TSPAN5: variants seen among roughly 807,000 people sequenced by gnomAD.
The protein encoded by TSPAN5 is tetraspanin 5.
Under a neutral mutation model 37.1 loss-of-function variants are expected in TSPAN5, and 10 were observed. The observed-to-expected ratio is 0.27, with a 90% CI of 0.17 to 0.46. TSPAN5 has a LOEUF of 0.46. Among genes scored for constraint, TSPAN5 ranks in the 20% least tolerant of loss-of-function variants. TSPAN5 has a pLI of 1.00. For synonymous variants in TSPAN5, 110 were observed against 118.9 expected, an observed-to-expected ratio of 0.93 and a Z score of 0.48; for missense variants, 195 against 326.6, an observed-to-expected ratio of 0.60 and a Z score of 3.11.
At chr4:98,602,906 C>G (rs936059727) in intron 1 of TSPAN5, among the ~76,000 whole-genome samples, 4 of 152,072 alleles carry the variant, frequency 2.6e-5, no homozygotes, top group African/African-American at 9.7e-5. Context: ...GAAATAATAC[C>G]AGGTATAATA....
intron 1 of TSPAN5, among the ~76,000 whole-genome samples, chr4:98,561,886 C>T (rs546404412): frequency 1.8e-4 from 28 of 152,254 alleles, no homozygotes; most frequent in African/African-American, 5.3e-4. Context: ...GTCACTACAC[C>T]GTCGCTGCGT....
chr4:98,641,216 C>T (rs150229381), intron 1 of TSPAN5, among the ~76,000 whole-genome samples: 11 of 152,200 alleles, frequency 7.2e-5, no homozygotes, highest in Non-Finnish European at 1.6e-4. Flanking sequence ...AAATAAATTC[C>T]ATGGATACCT....
intron 1 of TSPAN5, among the ~76,000 whole-genome samples, chr4:98,571,884 A>G (rs907128121): frequency 1.3e-5 from 2 of 152,204 alleles, no homozygotes; most frequent in African/African-American, 4.8e-5. Context: ...AACCTCCAAA[A>G]TTTCTGCTGT....
chr4:98,524,939 T>G (rs916651595), intron 1 of TSPAN5, among the ~76,000 whole-genome samples: 1 of 152,208 alleles, frequency 6.6e-6, no homozygotes, highest in African/African-American at 2.4e-5. Context: ...CCTAGATATT[T>G]CTGATATGTA....
chr4:98,517,152 G>T (rs1228818220), intron 1 of TSPAN5, among the ~76,000 whole-genome samples: 1 of 152,218 alleles, frequency 6.6e-6, no homozygotes, highest in Non-Finnish European at 1.5e-5. Flanking sequence ...ACAGGCATGA[G>T]ACTGATGGTG....
At chr4:98,585,726 A>C (rs1486875996) in intron 1 of TSPAN5, among the ~76,000 whole-genome samples, 1 of 152,228 alleles carries the variant, frequency 6.6e-6, no homozygotes, top group African/African-American at 2.4e-5. Flanking sequence ...AATAGCCTCC[A>C]GTTCCATCCA....
chr4:98,564,054 C>T (rs940230370), intron 1 of TSPAN5, among the ~76,000 whole-genome samples: 4 of 152,170 alleles, frequency 2.6e-5, no homozygotes, highest in Admixed American at 6.5e-5. Context: ...ACACAAAAAA[C>T]GTGTGATGAG....
chr4:98,501,483 A>C (rs1284630993), intron 2 of TSPAN5, among the ~76,000 whole-genome samples: 2 of 152,244 alleles, frequency 1.3e-5, no homozygotes, highest in African/African-American at 4.8e-5. Context: ...CCAGGCAATA[A>C]ACTTGTTAGC....
chr4:98,514,188 G>A (rs1753678857), intron 1 of TSPAN5, among the ~76,000 whole-genome samples: 1 of 152,138 alleles, frequency 6.6e-6, no homozygotes, highest in Non-Finnish European at 1.5e-5. Flanking sequence ...GAATAAACAG[G>A]AGAAATGCAT....
At chr4:98,651,488 A>G (rs1218502849) in intron 1 of TSPAN5, among the ~76,000 whole-genome samples, 1 of 152,216 alleles carries the variant, frequency 6.6e-6, no homozygotes, top group African/African-American at 2.4e-5. Context: ...TCATGGTTGT[A>G]CTGTGGTGAT....
rs1006849255 is a variant in TSPAN5 at position 98,559,326 on chromosome 4, G to A, written c.82-51598C>T. 5.9e-5 allele frequency among the ~76,000 whole-genome samples: 9 copies of A among 152,148 alleles called. 1 individual carries two copies. In the South Asian group the frequency reaches 8.3e-4, roughly 14 times the overall value. ...CTAAACATGACCGGATATTCAACATGAATATTACTGTCATAACAGGGTAAT... is the reference window on the plus strand; with the variant it reads ...CTAAACATGACCGGATATTCAACATAAATATTACTGTCATAACAGGGTAAT... On this transcript the variant is annotated intron_variant, in intron 1 of 7. Transcript: ENST00000305798.
chr4:98,580,078 C>CT (rs1215698035), intron 1 of TSPAN5, among the ~76,000 whole-genome samples: 1 of 152,140 alleles, frequency 6.6e-6, no homozygotes, highest in Non-Finnish European at 1.5e-5. Flanking sequence ...AGGAGAAAAC[C>CT]TTCCATACTC....
chr4:98,618,604 A>G (rs915879), intron 1 of TSPAN5, among the ~76,000 whole-genome samples: 82,294 of 151,932 alleles, frequency 0.54, 23,582 homozygotes, highest in African/African-American at 0.72. Context: ...GAGGCATATG[A>G]AGGATAAGTA....
intron 2 of TSPAN5, chr4:98,496,238 C>T (rs1034096452): frequency 6.6e-6 from 1 of 152,222 alleles, no homozygotes; most frequent in Non-Finnish European, 1.5e-5. Flanking sequence ...GGAACCTGCC[C>T]CTATAAAAAC....
chr4:98,654,993 C>A (rs1757266076), intron 1 of TSPAN5, among the ~76,000 whole-genome samples: 1 of 152,010 alleles, frequency 6.6e-6, no homozygotes, highest in Non-Finnish European at 1.5e-5. Context: ...ACTACAGGCA[C>A]CCGCCAACAC....
chr4:98,535,493 T>C (rs1482061302), intron 1 of TSPAN5, among the ~76,000 whole-genome samples: 1 of 152,222 alleles, frequency 6.6e-6, no homozygotes, highest in Non-Finnish European at 1.5e-5. Context: ...CCTTGGTGAA[T>C]CTGAAGATTA....
At chr4:98,523,113 C>G (rs996975394) in intron 1 of TSPAN5, among the ~76,000 whole-genome samples, 1 of 152,152 alleles carries the variant, frequency 6.6e-6, no homozygotes, top group Non-Finnish European at 1.5e-5. Context: ...ACATATAAGA[C>G]AAACTATTCA....
intron 1 of TSPAN5, among the ~76,000 whole-genome samples, chr4:98,556,483 C>T (rs995678866): frequency 5.3e-5 from 8 of 152,246 alleles, no homozygotes; most frequent in African/African-American, 9.6e-5. Context: ...ATAGCTTATA[C>T]GTACCTGGCA....
chr4:98,533,941 A>AAAAAAAAAAAAAAC (rs1386716626), intron 1 of TSPAN5, among the ~76,000 whole-genome samples: 2 of 134,628 alleles, frequency 1.5e-5, no homozygotes, highest in African/African-American at 5.6e-5. Context: ...GTTGATCTTA[A>AAAAAAAAAAAAAAC]AAAAAAAAAA....
Sources: allele counts gnomAD v4.1 joint callset (sites outside exome capture counted in the v4.1 genomes callset), GRCh38; gene constraint gnomAD v4.1.1; transcripts MANE v1.5; gene names NCBI Gene and HGNC (gene_info 2026-07-23, HGNC 2026-07-21).